KANSL1: variants seen among roughly 807,000 people sequenced by gnomAD.
The protein encoded by KANSL1 is KAT8 regulatory NSL complex subunit 1, also known as MLL1/MLL complex subunit KANSL1.
Under a neutral mutation model 103.6 loss-of-function variants are expected in KANSL1, and 22 were observed. That is an observed-to-expected ratio of 0.21 (90% CI 0.15 to 0.30). KANSL1 has a LOEUF of 0.30. KANSL1 is among the 10% of genes least tolerant of loss of function. The probability of loss-of-function intolerance (pLI) is 1.00; values close to 1 mark genes in which losing one functional copy is unlikely to be tolerated. For missense variants in KANSL1, 1,337 were observed against 1,399.8 expected (o/e 0.96, Z 0.72); for synonymous variants, 600 against 527.6 (o/e 1.14, Z -1.88).
At position 46,171,800 on chromosome 17, in the gene KANSL1, G is replaced by A; in HGVS notation, c.344C>T (p.Ser115Phe). The change falls in exon 2 of 15, where the codon TCT (serine) becomes TTT (phenylalanine). Residue 115 changes from serine to phenylalanine, a missense_variant. This residue lies in a region of KANSL1 where 557 missense variants were observed against 476.4 expected (regional missense o/e 1.17). Transcript: ENST00000432791. ...QTVLKSHPLL[S>F]QSYELRAELL... ...CTCAGCTCGGAGTTCATAGGACTGA[G>A]ATAAGAGAGGATGAGATTTAAGGAC... 1 of 1,614,046 alleles carries A rather than the reference G, an allele frequency of 6.2e-7. No individual in the cohort carries two copies. The highest frequency in any genetic ancestry group is 8.5e-7 in the Non-Finnish European group (1 of 1,179,936).
At chr17:46,181,019 A>G (rs2147829189) in intron 1 of KANSL1, among the ~76,000 whole-genome samples, 1 of 152,338 alleles carries the variant, frequency 6.6e-6, no homozygotes, top group African/African-American at 2.4e-5. Flanking sequence ...TATAGATGGC[A>G]AAGACCAATA....
intron 2 of KANSL1, among the ~76,000 whole-genome samples, chr17:46,145,058 G>C (rs2696588): frequency 0.54 from 81,340 of 151,398 alleles, 22,053 homozygotes; most frequent in East Asian, 0.88. Flanking sequence ...GATTTGGCCA[G>C]AAATAATTCT....
At chr17:46,206,121 G>T (rs1213345052) in intron 1 of KANSL1, among the ~76,000 whole-genome samples, 3 of 147,390 alleles carry the variant, frequency 2.0e-5, no homozygotes, top group African/African-American at 7.5e-5. Context: ...GATATCCCAT[G>T]TTCATGGATG....
chr17:46,032,993 G>A, intron 13 of KANSL1, 87 bp downstream of exon 13: 2 of 1,000,620 alleles, frequency 2.0e-6, no homozygotes, highest in East Asian at 2.6e-5. Context: ...CCAAGAGGCA[G>A]TAGCAATTCC....
intron 1 of KANSL1, among the ~76,000 whole-genome samples, chr17:46,210,489 A>G (rs373975834): frequency 0.012 from 888 of 75,254 alleles, 5 homozygotes; most frequent in Non-Finnish European, 0.016. Flanking sequence ...AAAAAAAAAA[A>G]AAAAAAAAAA....
Position 46,067,529 on chromosome 17 carries a change from G to A in KANSL1, c.1652+20C>T. 1 of 1,376,928 alleles carries A rather than the reference G, an allele frequency of 7.3e-7. No homozygotes were observed. Among genetic ancestry groups the A allele is most frequent in the African/African-American group, 1.4e-5 (1 of 70,268 alleles). The allele number at this position is 1,376,928 out of a possible 1,614,324, so 85.3% of individuals were successfully genotyped here. A position where few individuals can be genotyped will look rare whatever the true frequency, so the allele number is the denominator to read the frequency against. On this transcript the variant is annotated intron_variant, in intron 5 of 14. Transcript: ENST00000432791. ...TTTACAAGTCTACTAAGTGTAGGAAGTAGAAGAGCTAAAACTTACGTGTTA... is the reference window on the plus strand; with the variant it reads ...TTTACAAGTCTACTAAGTGTAGGAAATAGAAGAGCTAAAACTTACGTGTTA...
intron 2 of KANSL1, among the ~76,000 whole-genome samples, chr17:46,169,205 G>GA (rs1390905639): frequency 6.6e-6 from 1 of 152,198 alleles, no homozygotes; most frequent in Non-Finnish European, 1.5e-5. Flanking sequence ...ATAATGCCAT[G>GA]AATATTAGCA....
chr17:46,205,680 C>CCA (rs2047942975), intron 1 of KANSL1, among the ~76,000 whole-genome samples: 1 of 93,122 alleles, frequency 1.1e-5, no homozygotes, highest in Non-Finnish European at 2.0e-5. Flanking sequence ...GACACTGTCT[C>CCA]AAAAAAAAAA....
intron 6 of KANSL1, among the ~76,000 whole-genome samples, chr17:46,064,083 T>G (rs1377415953): frequency 7.3e-6 from 1 of 136,882 alleles, no homozygotes; most frequent in Non-Finnish European, 1.6e-5. Context: ...AAAAAAAAAC[T>G]GAGACTGAAA....
chr17:46,064,053 T>TAAAAAAAACAA, intron 6 of KANSL1, among the ~76,000 whole-genome samples: 1 of 105,734 alleles, frequency 9.5e-6, no homozygotes, highest in African/African-American at 3.5e-5. Flanking sequence ...CGACTATTAG[T>TAAAAAAAACAA]AAAAAAAAAA....
At chr17:46,165,468 G>A (rs980300360) in intron 2 of KANSL1, among the ~76,000 whole-genome samples, 4 of 151,878 alleles carry the variant, frequency 2.6e-5, no homozygotes, top group South Asian at 2.1e-4. Context: ...TCCTGAACTC[G>A]TGATCCACCC....
At chr17:46,203,082 A>T (rs1042875626) in intron 1 of KANSL1, among the ~76,000 whole-genome samples, 1 of 152,184 alleles carries the variant, frequency 6.6e-6, no homozygotes. Context: ...AATACAAAAA[A>T]TTAGCCAGGC....
At chr17:46,151,315 T>C (rs1269543578) in intron 2 of KANSL1, among the ~76,000 whole-genome samples, 1 of 152,198 alleles carries the variant, frequency 6.6e-6, no homozygotes. Context: ...CTCAGTCCCA[T>C]CTTAGGGCCT....
intron 2 of KANSL1, among the ~76,000 whole-genome samples, chr17:46,152,538 C>G (rs1458456178): frequency 7.1e-6 from 1 of 141,790 alleles, no homozygotes; most frequent in South Asian, 2.1e-4. Flanking sequence ...CACAGGATGA[C>G]AGGCCCTGAA....
At chr17:46,074,763 CTAAATAAATAAATAAA>C (rs71138522) in intron 4 of KANSL1, among the ~76,000 whole-genome samples, 21,166 of 142,490 alleles carry the variant, frequency 0.15, 2,055 homozygotes, top group Non-Finnish European at 0.22. Context: ...GACCCTATCT[CTAAATAAATAAATAAA>C]TAAATAAATA....
intron 3 of KANSL1, among the ~76,000 whole-genome samples, chr17:46,083,765 C>G (rs1439721255): frequency 6.6e-6 from 1 of 152,088 alleles, no homozygotes; most frequent in Non-Finnish European, 1.5e-5. Flanking sequence ...TTGAAAAACA[C>G]TAGACTTGAT....
At chr17:46,089,393 A>G (rs1284383513) in intron 3 of KANSL1, among the ~76,000 whole-genome samples, 3 of 148,470 alleles carry the variant, frequency 2.0e-5, no homozygotes, top group Admixed American at 6.9e-5. Flanking sequence ...CAGTAGTCAC[A>G]AATACTTTTT....
intron 6 of KANSL1, among the ~76,000 whole-genome samples, chr17:46,063,143 G>C (rs1466950554): frequency 6.6e-6 from 1 of 152,146 alleles, no homozygotes; most frequent in Non-Finnish European, 1.5e-5. Context: ...TAAGATGCAG[G>C]TAAGGAAAAA....
At position 46,170,833 on chromosome 17, in the gene KANSL1, A is replaced by G. The variant is rs773582352; in HGVS notation, c.1289+22T>C. The G allele has an allele frequency of 3.2e-6, 5 of 1,556,296 alleles. No individual in the cohort carries two copies. In the Admixed American group the frequency reaches 6.2e-5, roughly 19 times the overall value. On this transcript the variant is annotated intron_variant, in intron 2 of 14. Transcript: ENST00000432791. ...TGTGCCAACATTTCTCAAGAATGCTATCATGCATGAGGTCTACTCACAGGG... is the reference window on the plus strand; with the variant it reads ...TGTGCCAACATTTCTCAAGAATGCTGTCATGCATGAGGTCTACTCACAGGG...
Sources: gnomAD v4.1 joint callset for allele counts (sites outside exome capture counted in the v4.1 genomes callset) on GRCh38, gnomAD v4.1.1 for gene constraint, gnomAD v4.1.1 regional missense constraint, MANE v1.5 for transcripts, NCBI Gene and HGNC (gene_info 2026-07-23, HGNC 2026-07-21) for gene names.